The following WDFY3 variants were observed in gnomAD, a reference collection of about 807,000 sequenced individuals.
WDFY3 encodes WD repeat and FYVE domain-containing protein 3.
Under a neutral mutation model 409.6 loss-of-function variants are expected in WDFY3, and 66 were observed. The observed-to-expected ratio is 0.16, with a 90% confidence interval of 0.13 to 0.20. The LOEUF (loss-of-function observed/expected upper bound fraction) is 0.20. WDFY3 is among the 10% of genes least tolerant of loss of function. WDFY3 has a pLI of 1.00. For synonymous variants in WDFY3, 1,521 were observed against 1,537.1 expected, an observed-to-expected ratio of 0.99 and a Z score of 0.25; for missense variants, 3,031 against 4,298.1, an observed-to-expected ratio of 0.71 and a Z score of 8.24.
Position 84,733,516 on chromosome 4 carries a change from C to T in WDFY3, c.7087G>A (p.Gly2363Ser), listed in dbSNP as rs1271204573. The T allele has an allele frequency of 1.9e-6, 3 of 1,613,982 alleles. No individual in the cohort carries two copies. The highest frequency in any genetic ancestry group is 1.3e-5 in the African/African-American group (1 of 74,916). Residue 2363 changes from glycine (G) to serine (S), a missense_variant, in exon 44 of 68, where the codon GGC (glycine) becomes AGC (serine). Transcript: ENST00000295888. Reference sequence around the variant, plus strand: ...AGCATCCACTTGTCGAGGTGGGAGCCGATGGGAGGGCCCCACAGCCCCCGC... The same window carrying T: ...AGCATCCACTTGTCGAGGTGGGAGCTGATGGGAGGGCCCCACAGCCCCCGC... ...RERGLWGPPIGSHLDKWMLEM... is the reference protein window; with the variant it reads ...RERGLWGPPISSHLDKWMLEM...
intron 36 of WDFY3, among the ~76,000 whole-genome samples, chr4:84,745,187 G>C (rs1277842495): frequency 6.6e-6 from 1 of 152,166 alleles, no homozygotes; most frequent in Non-Finnish European, 1.5e-5. Context: ...TGGGAACAGA[G>C]GGATGAGATG....
At chr4:84,691,580 C>T (rs776485475) in intron 60 of WDFY3, 51 bp downstream of exon 60, 2 of 1,589,914 alleles carry the variant, frequency 1.3e-6, no homozygotes, top group Non-Finnish European at 1.7e-6. Context: ...TATAGGATAG[C>T]CAGACCACAA....
intron 5 of WDFY3, among the ~76,000 whole-genome samples, chr4:84,843,389 G>C (rs1757648443): frequency 6.6e-6 from 1 of 151,854 alleles, no homozygotes; most frequent in African/African-American, 2.4e-5. Context: ...TATTTCAAAG[G>C]CATCTCCCAC....
intron 3 of WDFY3, among the ~76,000 whole-genome samples, chr4:84,883,982 A>G (rs1166870827): frequency 6.6e-6 from 1 of 152,182 alleles, no homozygotes; most frequent in African/African-American, 2.4e-5. Flanking sequence ...TCTCAAAATT[A>G]CATGCTAAAA....
At chr4:84,697,659 C>T (rs961891081) in intron 56 of WDFY3, among the ~76,000 whole-genome samples, 15 of 151,932 alleles carry the variant, frequency 9.9e-5, no homozygotes, top group African/African-American at 2.4e-4. Context: ...TGAAATATAC[C>T]AAAAAAGTCA....
intron 55 of WDFY3, among the ~76,000 whole-genome samples, chr4:84,703,237 T>C (rs1175818756): frequency 6.6e-6 from 1 of 152,142 alleles, no homozygotes; most frequent in Non-Finnish European, 1.5e-5. Context: ...ATTAACATGA[T>C]ATGCAAGTTC....
In WDFY3 at chr4:84,740,204, T is replaced by C. The variant is rs1216319992; in HGVS notation, c.6447A>G (p.Ile2149Met). 1 of 1,614,120 alleles carries C rather than the reference T, an allele frequency of 6.2e-7. No individual in the cohort carries two copies. ...GGATTTACCTTCCAACATGTAGATT[T>C]ATCAAGCAGTGGGCCAGACAGCTAA... ...EFISCLAHCL[I>M]NLHVGSNVDG... The change falls in exon 39 of 68, where the codon ATA (isoleucine) becomes ATG (methionine). Residue 2149 changes from isoleucine to methionine, a missense_variant. Ile to Met is a conservative substitution (Grantham distance 10, BLOSUM62 1). Transcript: ENST00000295888.
chr4:84,945,718 C>T (rs919836245), intron 1 of WDFY3, among the ~76,000 whole-genome samples: 1 of 152,194 alleles, frequency 6.6e-6, no homozygotes, highest in Admixed American at 6.5e-5. Context: ...CTCCGGAACA[C>T]ACTGGATGTG....
intron 3 of WDFY3, among the ~76,000 whole-genome samples, chr4:84,882,222 C>T (rs941277298): frequency 2.6e-5 from 4 of 152,124 alleles, no homozygotes; most frequent in African/African-American, 7.2e-5. Context: ...CTAGTTTGGT[C>T]CCATTTGAGG....
chr4:84,936,622 G>T (rs1215292768), intron 1 of WDFY3, among the ~76,000 whole-genome samples: 1 of 151,944 alleles, frequency 6.6e-6, no homozygotes, highest in African/African-American at 2.4e-5. Flanking sequence ...ATACAAAGTA[G>T]CCAGTTAAAC....
At chr4:84,713,885 G>A (rs1189874089) in intron 50 of WDFY3, among the ~76,000 whole-genome samples, 2 of 152,080 alleles carry the variant, frequency 1.3e-5, no homozygotes, top group Non-Finnish European at 2.9e-5. Flanking sequence ...TTGGGAGGCC[G>A]AGGCGGGCAG....
intron 2 of WDFY3, among the ~76,000 whole-genome samples, chr4:84,918,730 A>T (rs1768839219): frequency 6.6e-6 from 1 of 150,894 alleles, no homozygotes; most frequent in Non-Finnish European, 1.5e-5. Flanking sequence ...CTTATTTTGA[A>T]AAAAAAAATA....
intron 9 of WDFY3, among the ~76,000 whole-genome samples, chr4:84,827,460 C>G (rs1755023158): frequency 1.3e-5 from 2 of 152,156 alleles, no homozygotes; most frequent in South Asian, 2.1e-4. Flanking sequence ...TAAGCTTTCA[C>G]AGGTAAGCTT....
intron 56 of WDFY3, among the ~76,000 whole-genome samples, chr4:84,698,461 C>T (rs971858588): frequency 5.9e-5 from 9 of 151,552 alleles, no homozygotes; most frequent in South Asian, 4.2e-4. Context: ...TTTGAAGGGA[C>T]GAGGTTTTGC....
chr4:84,751,784 T>C, intron 35 of WDFY3, 68 bp from the exon 36 acceptor site: 1 of 1,549,524 alleles, frequency 6.5e-7, no homozygotes, highest in Non-Finnish European at 8.9e-7. Flanking sequence ...CTGTGTTTCC[T>C]AAAAATAAAA....
intron 56 of WDFY3, among the ~76,000 whole-genome samples, chr4:84,698,787 G>A (rs1410707620): frequency 2.6e-5 from 4 of 152,028 alleles, no homozygotes; most frequent in East Asian, 3.9e-4. Context: ...TCTGCCTCCC[G>A]GGTGAGTCTT....
At chr4:84,923,502 A>G (rs1769553856) in intron 2 of WDFY3, among the ~76,000 whole-genome samples, 3 of 152,160 alleles carry the variant, frequency 2.0e-5, no homozygotes, top group Admixed American at 6.6e-5. Context: ...TATGCCACAT[A>G]AAGCTTTTAT....
chr4:84,678,549 C>T (rs1258778960), intron 65 of WDFY3, among the ~76,000 whole-genome samples: 1 of 152,192 alleles, frequency 6.6e-6, no homozygotes, highest in Non-Finnish European at 1.5e-5. Flanking sequence ...CCAATTTCTC[C>T]AATTGAGGAC....
Position 84,899,584 on chromosome 4 carries a change from T to TA in WDFY3, c.-131-2575dup, listed in dbSNP as rs368850949. Among the ~76,000 whole-genome samples the TA allele has an allele frequency of 5.2e-3, 793 of 152,288 alleles. 9 individuals carry two copies. Among genetic ancestry groups the TA allele is most frequent in the African/African-American group, 0.018 (746 of 41,564 alleles). On this transcript the variant is annotated intron_variant, in intron 2 of 67. Coordinates refer to ENST00000295888, the MANE Select transcript of WDFY3 (RefSeq NM_014991.6). ...AATCTAGCCCACACGTTTTTGTAAA[T>TA]AAAGTTTTATTGGAACACATCCACA...
Sources: allele counts gnomAD v4.1 joint callset (sites outside exome capture counted in the v4.1 genomes callset), GRCh38; gene constraint gnomAD v4.1.1; transcripts MANE v1.5; gene names NCBI Gene and HGNC (gene_info 2026-07-23, HGNC 2026-07-21).